CFAP97: variants seen among roughly 807,000 people sequenced by gnomAD.
The protein encoded by CFAP97 is cilia and flagella associated protein 97, also known as cilia- and flagella-associated protein 97.
A neutral mutation model predicts 43.1 loss-of-function variants in CFAP97; 36 were observed. The ratio of observed to expected loss-of-function variants is 0.84; its 90% confidence interval spans 0.64 to 1.10. The LOEUF (loss-of-function observed/expected upper bound fraction) is 1.10. CFAP97 is among the 50% of genes least tolerant of loss of function. The probability of loss-of-function intolerance (pLI) is 0.00; values close to 1 mark genes in which losing one functional copy is unlikely to be tolerated. For missense variants in CFAP97, 657 were observed against 620.3 expected, an observed-to-expected ratio of 1.06 and a Z score of -0.63; for synonymous variants, 228 against 225.7, an observed-to-expected ratio of 1.01 and a Z score of -0.09.
At chr4:185,198,287 A>G (rs1736648909) in intron 1 of CFAP97, among the ~76,000 whole-genome samples, 1 of 151,950 alleles carries the variant, frequency 6.6e-6, no homozygotes, top group Admixed American at 6.6e-5. Context: ...TACTAAAAAT[A>G]CAAAAACCAG....
At chr4:185,205,496 TAATAA>T (rs1737148485), upstream of CFAP97, among the ~76,000 whole-genome samples, 1 of 151,968 alleles carries the variant, frequency 6.6e-6, no homozygotes, top group Admixed American at 6.6e-5. Flanking sequence ...TTAAAGTGCT[TAATAA>T]AACTGTGTTG....
upstream of CFAP97, among the ~76,000 whole-genome samples, chr4:185,205,923 A>G (rs1737169386): frequency 6.6e-6 from 1 of 152,238 alleles, no homozygotes; most frequent in Non-Finnish European, 1.5e-5. Flanking sequence ...CAATAAACAC[A>G]TGAAAAGATA....
Position 185,190,554 on chromosome 4 carries a change from T to C in CFAP97, c.643A>G (p.Thr215Ala), listed in dbSNP as rs372635564. ...TACTTGTGTTTTGGTGACAGGAGGG[T>C]TATACCAGATACATGTTTCTTAGAT... ...KSSKKHVSGI[T>A]LLSPKHKYKS... The change falls in exon 2 of 5, where the codon ACC becomes GCC. Residue 215 changes from threonine (T) to alanine (A), a missense_variant. Transcript: ENST00000458385. 4 of 1,613,734 alleles carry C rather than the reference T, an allele frequency of 2.5e-6. No individual in the cohort carries two copies. The highest frequency in any genetic ancestry group is 3.4e-6 in the Non-Finnish European group (4 of 1,179,822).
chr4:185,167,277 G>A (rs1354460683), intron 3 of CFAP97, among the ~76,000 whole-genome samples: 1 of 152,084 alleles, frequency 6.6e-6, no homozygotes, highest in Non-Finnish European at 1.5e-5. Flanking sequence ...GACCACCCTA[G>A]GCAACATGGC....
chr4:185,162,688 A>C lies in CFAP97; in HGVS notation c.*110T>G. On this transcript the variant is annotated 3_prime_UTR_variant, in exon 5 of 5. Transcript: ENST00000458385. ...AATACATTACAACTCACTGTTGTAC[A>C]CCTTCAATTGCTAAAACGGTATTCT... 8.5e-7 allele frequency: 1 copy of C among 1,170,110 alleles called. No individual in the cohort carries two copies. Among genetic ancestry groups the C allele is most frequent in the Non-Finnish European group, 1.2e-6 (1 of 815,966 alleles). 72.5% of individuals were successfully genotyped at this position (1,170,110 alleles called of 1,614,324 possible). A position where few individuals can be genotyped will look rare whatever the true frequency, so the allele number is the denominator to read the frequency against.
In CFAP97 at chr4:185,162,595, T is replaced by G; in HGVS notation, c.*203A>C. The G allele has an allele frequency of 1.7e-6, 1 of 573,382 alleles. No homozygotes were observed. Among genetic ancestry groups the G allele is most frequent in the Non-Finnish European group, 3.0e-6 (1 of 328,130 alleles). The allele number at this position is 573,382 out of a possible 1,614,324, so 35.5% of individuals were successfully genotyped here. On this transcript the variant is annotated 3_prime_UTR_variant, in exon 5 of 5. Transcript: ENST00000458385. The stretch of plus-strand genomic sequence containing the variant: ...CTATTAAGAACACATACATCTCATA[T>G]AAATACATCCTCAGGAAACACTTTT...
At position 185,162,811 on chromosome 4, in the gene CFAP97, G is replaced by A. The variant is rs1386358712; in HGVS notation, c.1586C>T (p.Thr529Ile). The stretch of plus-strand genomic sequence containing the variant: ...TAAAAAAGTGTTTTATAACCAAGCT[G>A]TACGGACATTAGGGGGTTTAGGTCT... ...RRRPKPPNVRTAWL is the reference protein window; with the variant it reads ...RRRPKPPNVRIAWL Residue 529 changes from threonine to isoleucine, a missense_variant, in exon 5 of 5, where the codon ACA (threonine) becomes ATA (isoleucine). By Grantham distance (89) the Thr-to-Ile change is moderately conservative (BLOSUM62 -1). Coordinates refer to ENST00000458385, the MANE Select transcript of CFAP97 (RefSeq NM_020827.3). 2 of 1,613,098 alleles carry A rather than the reference G, an allele frequency of 1.2e-6. No individual in the cohort carries two copies. Among genetic ancestry groups the A allele is most frequent in the East Asian group, 4.5e-5 (2 of 44,876 alleles).
intron 1 of CFAP97, among the ~76,000 whole-genome samples, chr4:185,194,584 G>C (rs1342220910): frequency 6.6e-6 from 1 of 152,186 alleles, no homozygotes; most frequent in Non-Finnish European, 1.5e-5. Flanking sequence ...CTGGAGTACA[G>C]TGACAGGATT....
intron 3 of CFAP97, chr4:185,170,460 T>C (rs1735254092): frequency 2.7e-6 from 1 of 375,212 alleles, no homozygotes; most frequent in South Asian, 1.1e-4. Flanking sequence ...CCCAGGCGAG[T>C]ATCTTGCCTC....
At position 185,172,850 on chromosome 4, in the gene CFAP97, C is replaced by CAA. The variant is rs1159858914; in HGVS notation, c.1320+2934_1320+2935dup. ...GCAACAAAGTGAGATCCCATCTCTA[C>CAA]AAAAAAAAAAAAAAAAAAAAAGCAT... On this transcript the variant is annotated intron_variant, in intron 3 of 4. Transcript: ENST00000458385. Among the ~76,000 whole-genome samples, 252 of 52,656 alleles carry CAA rather than the reference C, an allele frequency of 4.8e-3. 2 individuals carry two copies. The highest frequency in any genetic ancestry group is 0.013 in the African/African-American group (214 of 16,420). 34.5% of individuals were successfully genotyped at this position (52,656 alleles called of 152,430 possible).
intron 3 of CFAP97, among the ~76,000 whole-genome samples, chr4:185,171,902 A>G (rs1420415101): frequency 2.6e-5 from 4 of 152,014 alleles, no homozygotes; most frequent in African/African-American, 9.7e-5. Flanking sequence ...ACACCTGGCT[A>G]ATTTTTTATT....
chr4:185,162,372 T>G lies in CFAP97; in HGVS notation c.*426A>C. 1 of 176,974 alleles carries G rather than the reference T, an allele frequency of 5.7e-6. No individual in the cohort carries two copies. The highest frequency in any genetic ancestry group is 1.2e-4 in the South Asian group (1 of 8,576). The allele number at this position is 176,974 out of a possible 1,614,324, so 11.0% of individuals were successfully genotyped here. A position where few individuals can be genotyped will look rare whatever the true frequency, so the allele number is the denominator to read the frequency against. ...ATCGAGCTATGTCATGCCACATAAG[T>G]TCTAAAGCAAATGAAAAACAAAGCC... On this transcript the variant is annotated 3_prime_UTR_variant, in exon 5 of 5. Transcript: ENST00000458385.
chr4:185,174,999 C>T (rs1735458018), intron 3 of CFAP97, among the ~76,000 whole-genome samples: 3 of 152,122 alleles, frequency 2.0e-5, no homozygotes, highest in Admixed American at 2.0e-4. Context: ...ATCAATGTTT[C>T]ATACATTTAA....
At position 185,190,285 on chromosome 4, in the gene CFAP97, A is replaced by G; in HGVS notation, c.912T>C (p.Tyr304=). 6.2e-7 allele frequency: 1 copy of G among 1,610,918 alleles called. No homozygotes were observed. Among genetic ancestry groups the G allele is most frequent in the Non-Finnish European group, 8.5e-7 (1 of 1,178,068 alleles). ...DVEDLKNNSK[Y]LKAAKKGKEK... The stretch of plus-strand genomic sequence containing the variant: ...CTTTCCCTTTTTTGGCTGCTTTCAA[A>G]TATTTTGAATTATTTTTCAAATCCT... The change falls in exon 2 of 5, where the codon TAT becomes TAC. Residue 304 remains tyrosine (Y), a synonymous_variant. Transcript: ENST00000458385.
rs1167233492 is a variant in CFAP97, at chr4:185,160,745, T to G, written c.*2053A>C. ...AGTTGTTATTTATAAAACTATTGTG[T>G]TGTATCCTGACATGTGGCAACAAAG... On this transcript the variant is annotated 3_prime_UTR_variant, in exon 5 of 5. Coordinates refer to ENST00000458385, the MANE Select transcript of CFAP97 (RefSeq NM_020827.3). 6.6e-6 allele frequency: 1 copy of G among 151,434 alleles called. No homozygotes were observed. Among genetic ancestry groups the G allele is most frequent in the Non-Finnish European group, 1.5e-5 (1 of 67,836 alleles). 9.4% of individuals were successfully genotyped at this position (151,434 alleles called of 1,614,324 possible). A position where few individuals can be genotyped will look rare whatever the true frequency, so the allele number is the denominator to read the frequency against.
At chr4:185,171,850 C>G (rs1314786795) in intron 3 of CFAP97, among the ~76,000 whole-genome samples, 4 of 152,156 alleles carry the variant, frequency 2.6e-5, no homozygotes, top group Non-Finnish European at 4.4e-5. Context: ...AATCCTCCTG[C>G]CTCAGCTTCC....
chr4:185,199,386 A>T (rs1486213583), intron 1 of CFAP97, among the ~76,000 whole-genome samples: 1 of 151,674 alleles, frequency 6.6e-6, no homozygotes, highest in Non-Finnish European at 1.5e-5. Flanking sequence ...AGAAAAGAAA[A>T]ATCTGGGTGC....
At chr4:185,174,154 A>C (rs932779926) in intron 3 of CFAP97, among the ~76,000 whole-genome samples, 23 of 152,326 alleles carry the variant, frequency 1.5e-4, no homozygotes, top group African/African-American at 4.8e-4. Flanking sequence ...TTAATGCCTA[A>C]CACTTGTAAA....
chr4:185,194,359 C>T (rs1247741829), intron 1 of CFAP97, among the ~76,000 whole-genome samples: 2 of 152,060 alleles, frequency 1.3e-5, no homozygotes, highest in South Asian at 2.1e-4. Context: ...TGTGGCAGTG[C>T]GTGCCTGTAA....
Sources: gnomAD v4.1 joint callset for allele counts (sites outside exome capture counted in the v4.1 genomes callset) on GRCh38, gnomAD v4.1.1 for gene constraint, MANE v1.5 for transcripts, NCBI Gene and HGNC (gene_info 2026-07-23, HGNC 2026-07-21) for gene names.